The following FAM168A variants were observed in gnomAD, a reference collection of about 807,000 sequenced individuals.
The protein encoded by FAM168A is family with sequence similarity 168 member A, also known as protein FAM168A.
In FAM168A, 3 loss-of-function variants were observed where a neutral mutation model predicts 28.5. The ratio of observed to expected loss-of-function variants is 0.11; its 90% CI spans 0.05 to 0.27. The LOEUF (loss-of-function observed/expected upper bound fraction) is 0.27, where lower values mean the gene tolerates loss of function less well. Among genes scored for constraint, FAM168A ranks in the 10% least tolerant of loss-of-function variants. FAM168A has a pLI of 1.00. For missense variants in FAM168A, 222 were observed against 311.5 expected (o/e 0.71, Z 2.16); for synonymous variants, 122 against 124.2 (o/e 0.98, Z 0.12).
chr11:73,497,161 T>C (rs909205863), intron 1 of FAM168A, among the ~76,000 whole-genome samples: 6 of 152,162 alleles, frequency 3.9e-5, no homozygotes, highest in African/African-American at 1.4e-4. Flanking sequence ...GCCTCTGGCC[T>C]GCGTACCAGG....
chr11:73,424,001 C>CA (rs1450426525), intron 3 of FAM168A, among the ~76,000 whole-genome samples: 11 of 151,940 alleles, frequency 7.2e-5, no homozygotes, highest in Admixed American at 5.2e-4. Flanking sequence ...CTGAGGCAAA[C>CA]AAAAAATGAC....
chr11:73,562,230 C>T (rs1214816506), intron 1 of FAM168A, among the ~76,000 whole-genome samples: 1 of 152,206 alleles, frequency 6.6e-6, no homozygotes, highest in Non-Finnish European at 1.5e-5. Context: ...CGTGAGCCAC[C>T]GCACCCAGCC....
At chr11:73,464,831 C>T (rs1867708425) in intron 2 of FAM168A, among the ~76,000 whole-genome samples, 1 of 151,228 alleles carries the variant, frequency 6.6e-6, no homozygotes, top group South Asian at 2.1e-4. Flanking sequence ...TCTCAGCTGT[C>T]GTGTGAGGAA....
intron 1 of FAM168A, among the ~76,000 whole-genome samples, chr11:73,526,095 C>A (rs1255377561): frequency 1.3e-5 from 2 of 151,950 alleles, no homozygotes; most frequent in East Asian, 3.9e-4. Flanking sequence ...AAATAAAAAT[C>A]AAAAATATTT....
intron 1 of FAM168A, among the ~76,000 whole-genome samples, chr11:73,545,558 A>G (rs1943736602): frequency 6.6e-6 from 1 of 152,178 alleles, no homozygotes. Flanking sequence ...AAACCACTCA[A>G]CTATACAATT....
intron 1 of FAM168A, among the ~76,000 whole-genome samples, chr11:73,582,319 A>G (rs1026755052): frequency 6.6e-6 from 1 of 151,864 alleles, no homozygotes; most frequent in African/African-American, 2.4e-5. Flanking sequence ...CAGGAGATCG[A>G]TACCATCCCG....
At chr11:73,570,439 T>C (rs1944072616) in intron 1 of FAM168A, among the ~76,000 whole-genome samples, 1 of 152,022 alleles carries the variant, frequency 6.6e-6, no homozygotes, top group African/African-American at 2.4e-5. Context: ...AAGAAACATA[T>C]TAGTAAAAAG....
At chr11:73,544,908 A>T (rs1383606462) in intron 1 of FAM168A, among the ~76,000 whole-genome samples, 24 of 92,018 alleles carry the variant, frequency 2.6e-4, no homozygotes, top group African/African-American at 8.9e-4. Flanking sequence ...ATATTATATA[A>T]TATATATTAT....
intron 4 of FAM168A, among the ~76,000 whole-genome samples, chr11:73,419,465 C>T (rs1201686145): frequency 1.3e-5 from 2 of 152,184 alleles, no homozygotes; most frequent in Non-Finnish European, 2.9e-5. Flanking sequence ...AGGACAGCGC[C>T]CCCACAACAA....
intron 1 of FAM168A, among the ~76,000 whole-genome samples, chr11:73,530,846 AC>A (rs1176514188): frequency 6.6e-6 from 1 of 152,182 alleles, no homozygotes; most frequent in African/African-American, 2.4e-5. Flanking sequence ...TTACAGATAA[AC>A]TGGAGCTCCA....
chr11:73,510,803 C>T (rs868826354), intron 1 of FAM168A: 18 of 373,710 alleles, frequency 4.8e-5, no homozygotes, highest in Middle Eastern at 1.4e-3. Flanking sequence ...CATATATTTA[C>T]AGTAGGAATG....
chr11:73,419,086 A>G (rs1482755703), intron 4 of FAM168A, among the ~76,000 whole-genome samples: 1 of 152,214 alleles, frequency 6.6e-6, no homozygotes, highest in African/African-American at 2.4e-5. Flanking sequence ...CTGGGATTAC[A>G]GGCATGAGCC....
At chr11:73,482,737 T>C (rs560512100) in intron 1 of FAM168A, among the ~76,000 whole-genome samples, 4 of 152,042 alleles carry the variant, frequency 2.6e-5, no homozygotes, top group Middle Eastern at 3.4e-3. Context: ...TTTTTTTGTG[T>C]TGTTTTGTTT....
chr11:73,454,237 C>T (rs1356281996), intron 2 of FAM168A, among the ~76,000 whole-genome samples: 7 of 152,032 alleles, frequency 4.6e-5, no homozygotes, highest in African/African-American at 1.7e-4. Flanking sequence ...AAGGAGTCAG[C>T]CAGCTGATTT....
chr11:73,486,141 T>A (rs1419764972), intron 1 of FAM168A, among the ~76,000 whole-genome samples: 1 of 152,226 alleles, frequency 6.6e-6, no homozygotes, highest in Non-Finnish European at 1.5e-5. Flanking sequence ...AGACAAGCAG[T>A]CCTGTAAGCA....
At chr11:73,528,273 A>G (rs1316641607) in intron 1 of FAM168A, among the ~76,000 whole-genome samples, 1 of 152,206 alleles carries the variant, frequency 6.6e-6, no homozygotes, top group Non-Finnish European at 1.5e-5. Context: ...CTGCATTCTC[A>G]GAAAGTCAGG....
intron 2 of FAM168A, among the ~76,000 whole-genome samples, chr11:73,462,297 C>T (rs896121474): frequency 5.3e-5 from 8 of 152,154 alleles, no homozygotes; most frequent in Non-Finnish European, 7.3e-5. Flanking sequence ...AATCCTGACA[C>T]ACGGATGAAA....
intron 1 of FAM168A, among the ~76,000 whole-genome samples, chr11:73,484,443 A>G (rs1868010341): frequency 6.7e-6 from 1 of 149,448 alleles, no homozygotes; most frequent in South Asian, 2.1e-4. Flanking sequence ...CACTACAGGT[A>G]TTCAGTATTT....
At chr11:73,580,205 T>C in intron 1 of FAM168A, 1 of 482,142 alleles carries the variant, frequency 2.1e-6, no homozygotes, top group Non-Finnish European at 4.1e-6. Context: ...CTCCGCTGCA[T>C]CCCACGCCCA....
Sources: gnomAD v4.1 joint callset for allele counts (sites outside exome capture counted in the v4.1 genomes callset) on GRCh38, gnomAD v4.1.1 for gene constraint, MANE v1.5 for transcripts, NCBI Gene and HGNC (gene_info 2026-07-23, HGNC 2026-07-21) for gene names.